The following ACAT2 variants were observed in gnomAD, a reference collection of about 807,000 sequenced individuals.
ACAT2 encodes the protein acetyl-CoA acetyltransferase, cytosolic.
Under a neutral mutation model 37.1 loss-of-function variants are expected in ACAT2, and 26 were observed. That is an observed-to-expected ratio of 0.70 (90% confidence interval 0.51 to 0.97). ACAT2 has a LOEUF of 0.97. Ranked by LOEUF, ACAT2 falls within the 50% of genes least tolerant of loss-of-function variation. ACAT2 has a pLI of 0.00. For missense variants in ACAT2, 468 were observed against 489.0 expected, an observed-to-expected ratio of 0.96 and a Z score of 0.40; for synonymous variants, 156 against 163.6, an observed-to-expected ratio of 0.95 and a Z score of 0.35.
intron 1 of ACAT2, chr6:159,762,418 T>C (rs2273820): frequency 1.5e-6 from 2 of 1,371,348 alleles, no homozygotes; most frequent in Non-Finnish European, 1.9e-6. Context: ...CTCCCATTGG[T>C]TGGCGTAGGG....
chr6:159,769,422 C>T (rs73781656), intron 4 of ACAT2, among the ~76,000 whole-genome samples: 84 of 152,284 alleles, frequency 5.5e-4, no homozygotes, highest in African/African-American at 1.6e-3. Flanking sequence ...AAATTCAGAT[C>T]CCGAGCCCTT....
At chr6:159,768,849 A>T (rs536785212) in intron 4 of ACAT2, among the ~76,000 whole-genome samples, 65 of 152,322 alleles carry the variant, frequency 4.3e-4, no homozygotes, top group African/African-American at 1.4e-3. Context: ...GTTCTTCTGG[A>T]TCAACCCCTC....
intron 6 of ACAT2, 99 bp downstream of exon 6, chr6:159,776,371 TG>T: frequency 7.2e-7 from 1 of 1,396,924 alleles, no homozygotes. Flanking sequence ...TACTATTTTT[TG>T]GGACAGGGAC....
In ACAT2 at chr6:159,778,855, A is replaced by AT; in HGVS notation, c.*29dup. 6.2e-7 allele frequency: 1 copy of AT among 1,613,734 alleles called. No individual in the cohort carries two copies. Among genetic ancestry groups the AT allele is most frequent in the Non-Finnish European group, 8.5e-7 (1 of 1,179,648 alleles). ...ATTGCTTAAACTTTGAACAACCTCA[A>AT]TTTCTTTTTAAACTAATAAAGTACT... On this transcript the variant is annotated 3_prime_UTR_variant, in exon 9 of 9. Transcript: ENST00000367048.
intron 3 of ACAT2, 29 bp from the exon 4 acceptor site, chr6:159,768,482 C>G (rs1344625588): frequency 6.6e-7 from 1 of 1,513,392 alleles, no homozygotes; most frequent in South Asian, 1.1e-5. Context: ...GCAACTAAGC[C>G]TAAATCCATT....
At chr6:159,774,833 C>T (rs1780388640) in intron 4 of ACAT2, among the ~76,000 whole-genome samples, 1 of 152,184 alleles carries the variant, frequency 6.6e-6, no homozygotes, top group African/African-American at 2.4e-5. Context: ...AGTAAGAAGG[C>T]ATTGTATCTC....
At chr6:159,766,975 G>A (rs1262158511) in intron 2 of ACAT2, 30 bp from the exon 3 acceptor site, 1 of 1,611,842 alleles carries the variant, frequency 6.2e-7, no homozygotes, top group South Asian at 1.1e-5. Flanking sequence ...CTCCTTGATT[G>A]CTAAGAGTCC....
chr6:159,777,585 G>T, intron 7 of ACAT2, 129 bp downstream of exon 7: 1 of 1,153,670 alleles, frequency 8.7e-7, no homozygotes, highest in East Asian at 2.6e-5. Flanking sequence ...CTATTTTTGA[G>T]ATAAGGTCTT....
intron 8 of ACAT2, 46 bp from the exon 9 acceptor site, chr6:159,778,611 CTG>C: frequency 3.2e-6 from 5 of 1,586,046 alleles, no homozygotes; most frequent in Non-Finnish European, 3.4e-6. Flanking sequence ...AGATTTTAAA[CTG>C]TGTCCACAGA....
intron 8 of ACAT2, 143 bp downstream of exon 8, chr6:159,778,423 TTA>T (rs1491443017): frequency 2.7e-3 from 225 of 83,640 alleles, no homozygotes; most frequent in Middle Eastern, 0.011. Context: ...TTCCCAAGGT[TTA>T]AAAAAAAAAA....
At chr6:159,765,888 A>C (rs3798211) in intron 2 of ACAT2, among the ~76,000 whole-genome samples, 69,199 of 152,038 alleles carry the variant, frequency 0.46, 17,901 homozygotes, top group Non-Finnish European at 0.57. Flanking sequence ...TCAGCGACTT[A>C]TTTGCTAGTT....
At chr6:159,770,793 G>A (rs937115639) in intron 4 of ACAT2, among the ~76,000 whole-genome samples, 4 of 152,224 alleles carry the variant, frequency 2.6e-5, no homozygotes, top group Non-Finnish European at 4.4e-5. Flanking sequence ...GGCCAGGCAC[G>A]GTAGCTCACG....
chr6:159,778,246 C>T lies in ACAT2; in HGVS notation c.989C>T (p.Ala330Val), dbSNP rs915513941. 3 of 1,611,120 alleles carry T rather than the reference C, an allele frequency of 1.9e-6. No homozygotes were observed. The highest frequency in any genetic ancestry group is 1.7e-6 in the Non-Finnish European group (2 of 1,179,312). Residue 330 changes from alanine to valine, a missense_variant, in exon 8 of 9, where the codon GCA becomes GTA. Ala to Val is a moderately conservative substitution (Grantham distance 64, BLOSUM62 0). Coordinates refer to ENST00000367048, the MANE Select transcript of ACAT2 (RefSeq NM_005891.3). ...INEAFAAVSAAIVKELGLNPE... is the reference protein window; with the variant it reads ...INEAFAAVSAVIVKELGLNPE... ...GAAGCCTTTGCAGCTGTCTCTGCTG[C>T]AATAGTTAAAGAACTTGGATTAAAC...
Position 159,778,685 on chromosome 6 carries a change from C to T in ACAT2, c.1050C>T (p.Ala350=). ...TCAATATTGAAGGAGGGGCTATAGCCTTGGGCCACCCTCTTGGAGCATCTG... is the reference window on the plus strand; with the variant it reads ...TCAATATTGAAGGAGGGGCTATAGCTTTGGGCCACCCTCTTGGAGCATCTG... ...EKVNIEGGAI[A]LGHPLGASGC... The change falls in exon 9 of 9, where the codon GCC becomes GCT. Residue 350 remains alanine (A), a synonymous_variant. Transcript: ENST00000367048. 1 of 1,614,176 alleles carries T rather than the reference C, an allele frequency of 6.2e-7. No homozygotes were observed. Among genetic ancestry groups the T allele is most frequent in the Non-Finnish European group, 8.5e-7 (1 of 1,180,030 alleles).
intron 1 of ACAT2, chr6:159,762,352 C>A: frequency 7.9e-7 from 1 of 1,272,776 alleles, no homozygotes; most frequent in Non-Finnish European, 1.0e-6. Context: ...GATGTGCGCA[C>A]TCCGTCCCTC....
Position 159,776,210 on chromosome 6 carries a change from C to G in ACAT2, c.695C>G (p.Ser232Cys). ...PRHGSNIEAM[S>C]KLKPYFLTDG... ...CATGGGAGCAACATAGAAGCCATGT[C>G]CAAGCTAAAGCCTTACTTTCTTACT... Residue 232 changes from serine to cysteine, a missense_variant, in exon 6 of 9, where the codon TCC (serine) becomes TGC (cysteine). Ser to Cys is a moderately radical substitution (Grantham distance 112). Coordinates refer to ENST00000367048, the MANE Select transcript of ACAT2 (RefSeq NM_005891.3). The G allele has an allele frequency of 1.9e-6, 3 of 1,614,110 alleles. No individual in the cohort carries two copies. The highest frequency in any genetic ancestry group is 2.5e-6 in the Non-Finnish European group (3 of 1,180,002).
At chr6:159,762,726 C>A in intron 1 of ACAT2, 193 bp from the exon 2 acceptor site, 2 of 1,541,196 alleles carry the variant, frequency 1.3e-6, no homozygotes, top group East Asian at 2.4e-5. Flanking sequence ...CTGTCCAGCC[C>A]TCGGCTGCTG....
In ACAT2 at chr6:159,778,795, G is replaced by C; in HGVS notation, c.1160G>C (p.Gly387Ala). Residue 387 changes from glycine (G) to alanine (A), a missense_variant, in exon 9 of 9, where the codon GGG becomes GCG. Transcript: ENST00000367048. Reference protein sequence around the residue: ...RGVAALCIGGGMGIAMCVQRE With the variant: ...RGVAALCIGGAMGIAMCVQRE ...GTTGCAGCCCTGTGCATTGGGGGTG[G>C]GATGGGAATAGCAATGTGTGTTCAG... 6.2e-7 allele frequency: 1 copy of C among 1,614,178 alleles called. No homozygotes were observed. Among genetic ancestry groups the C allele is most frequent in the Non-Finnish European group, 8.5e-7 (1 of 1,180,036 alleles).
At chr6:159,775,357 A>G (rs369457004) in intron 5 of ACAT2, 44 bp downstream of exon 5, 41 of 1,579,584 alleles carry the variant, frequency 2.6e-5, no homozygotes, top group Non-Finnish European at 3.3e-5. Flanking sequence ...ATTTATAGGT[A>G]AGAGTAACAT....
Sources: allele counts gnomAD v4.1 joint callset (sites outside exome capture counted in the v4.1 genomes callset), GRCh38; gene constraint gnomAD v4.1.1; transcripts MANE v1.5; gene names NCBI Gene and HGNC (gene_info 2026-07-23, HGNC 2026-07-21).